CNGB3: variants seen among roughly 807,000 people sequenced by gnomAD.
CNGB3 encodes cyclic nucleotide gated channel subunit beta 3, also known as cyclic nucleotide-gated channel beta-3.
CNGB3 carries 86 observed loss-of-function variants against 92.8 expected under a neutral mutation model. That is an observed-to-expected ratio of 0.93 (90% confidence interval 0.78 to 1.11). CNGB3 has a LOEUF of 1.11. Among genes scored for constraint, CNGB3 ranks in the 50% least tolerant of loss-of-function variants. The pLI, the probability that CNGB3 is intolerant of heterozygous loss-of-function variation, is 0.00. For synonymous variants in CNGB3, 333 were observed against 332.7 expected, an observed-to-expected ratio of 1.00 and a Z score of -0.01; for missense variants, 1,026 against 956.8, an observed-to-expected ratio of 1.07 and a Z score of -0.95.
chr8:86,580,193 G>GGGC (rs33994320), intron 15 of CNGB3, among the ~76,000 whole-genome samples: 1 of 27,834 alleles, frequency 3.6e-5, no homozygotes, highest in Admixed American at 6.2e-4. Flanking sequence ...AATAGCACGG[G>GGGC]GGGGGTGGCG....
At chr8:86,728,974 G>A (rs914510817) in intron 2 of CNGB3, among the ~76,000 whole-genome samples, 17 of 152,070 alleles carry the variant, frequency 1.1e-4, no homozygotes, top group African/African-American at 3.4e-4. Context: ...GCGGTGGTAC[G>A]ATCACAGCTC....
At chr8:86,641,913 G>A (rs945326074) in intron 10 of CNGB3, among the ~76,000 whole-genome samples, 1 of 151,596 alleles carries the variant, frequency 6.6e-6, no homozygotes, top group African/African-American at 2.4e-5. Context: ...TGGCTACCTG[G>A]GCTATGATGT....
At chr8:86,625,620 G>A (rs1218041360) in intron 13 of CNGB3, among the ~76,000 whole-genome samples, 1 of 152,066 alleles carries the variant, frequency 6.6e-6, no homozygotes, top group Non-Finnish European at 1.5e-5. Flanking sequence ...GGCCATTACA[G>A]AGCTATTCTG....
Position 86,575,985 on chromosome 8 carries a change from G to A in CNGB3, c.2249C>T (p.Pro750Leu). ...TGCTGTACATTCAGGTCTGTCCAGT[G>A]GCTTCTCTTCTGGCTCTCTTCCTTT... ...KDKGREPEEK[P>L]LDRPECTASP... is the part of the protein sequence containing the mutation. Residue 750 changes from proline (P) to leucine (L), a missense_variant, in exon 18 of 18, where the codon CCA becomes CTA. Transcript: ENST00000320005. 6.2e-7 allele frequency: 1 copy of A among 1,613,836 alleles called. No homozygotes were observed. Among genetic ancestry groups the A allele is most frequent in the South Asian group, 1.1e-5 (1 of 91,010 alleles).
chr8:86,635,599 G>A (rs963267595), intron 10 of CNGB3, among the ~76,000 whole-genome samples: 1 of 151,548 alleles, frequency 6.6e-6, no homozygotes, highest in Non-Finnish European at 1.5e-5. Context: ...TCTTTTCTCA[G>A]TCACATCTTA....
At chr8:86,737,297 A>G (rs1035297755) in intron 2 of CNGB3, among the ~76,000 whole-genome samples, 9 of 152,144 alleles carry the variant, frequency 5.9e-5, no homozygotes, top group African/African-American at 2.2e-4. Flanking sequence ...TATAAATATA[A>G]ATTAATTCAG....
intron 4 of CNGB3, among the ~76,000 whole-genome samples, chr8:86,669,095 A>G (rs1345232041): frequency 1.3e-5 from 2 of 151,766 alleles, no homozygotes; most frequent in African/African-American, 4.9e-5. Context: ...GATGAAATAT[A>G]GTGTCTGGAA....
intron 13 of CNGB3, among the ~76,000 whole-genome samples, chr8:86,621,990 G>A (rs764867646): frequency 7.2e-5 from 11 of 152,184 alleles, no homozygotes; most frequent in Non-Finnish European, 1.5e-4. Context: ...AGGTTGCAGT[G>A]AGCCGAGATT....
intron 15 of CNGB3, among the ~76,000 whole-genome samples, chr8:86,591,717 A>G (rs1822042072): frequency 6.6e-6 from 1 of 152,184 alleles, no homozygotes. Context: ...CCAGCTGCGT[A>G]CTGGGAGAAC....
intron 3 of CNGB3, 143 bp from the exon 4 acceptor site, chr8:86,671,241 A>G: frequency 1.2e-6 from 1 of 855,216 alleles, no homozygotes; most frequent in Non-Finnish European, 1.9e-6. Context: ...TTCAAACATT[A>G]GGTTTAATGG....
chr8:86,713,097 G>A (rs1824781349), intron 3 of CNGB3, among the ~76,000 whole-genome samples: 2 of 151,966 alleles, frequency 1.3e-5, no homozygotes, highest in African/African-American at 4.8e-5. Context: ...ATTTCCCTTT[G>A]ATTTATGTTT....
intron 3 of CNGB3, among the ~76,000 whole-genome samples, chr8:86,695,533 T>G (rs970328704): frequency 2.6e-5 from 4 of 152,112 alleles, no homozygotes; most frequent in Non-Finnish European, 5.9e-5. Flanking sequence ...CTTTACGATA[T>G]CTATCTTTCT....
At chr8:86,615,640 G>A (rs1320347842) in intron 13 of CNGB3, among the ~76,000 whole-genome samples, 1 of 151,754 alleles carries the variant, frequency 6.6e-6, no homozygotes, top group Non-Finnish European at 1.5e-5. Context: ...TGAAAATAAA[G>A]ATTAAAATAA....
At chr8:86,728,096 T>C (rs937298371) in intron 2 of CNGB3, among the ~76,000 whole-genome samples, 1 of 152,182 alleles carries the variant, frequency 6.6e-6, no homozygotes, top group Non-Finnish European at 1.5e-5. Context: ...CCTATCTACT[T>C]TTATTTTGGA....
At chr8:86,599,032 C>A (rs1055653071) in intron 15 of CNGB3, among the ~76,000 whole-genome samples, 1 of 152,176 alleles carries the variant, frequency 6.6e-6, no homozygotes, top group African/African-American at 2.4e-5. Flanking sequence ...GTGCACACAT[C>A]ATTTGAGGAC....
rs1823991810 is a variant in CNGB3, at chr8:86,677,122, G to A, written c.339-6024C>T. ...TGTTGGTGATCACCAAAAGCTGGGA[G>A]AGAGAGCATGGAAAAAATTCTCCCT... On this transcript the variant is annotated intron_variant, in intron 3 of 17. Coordinates refer to ENST00000320005, the MANE Select transcript of CNGB3 (RefSeq NM_019098.5). Among the ~76,000 whole-genome samples the A allele has an allele frequency of 2.6e-5, 4 of 152,318 alleles. No individual in the cohort carries two copies. In the South Asian group the frequency reaches 6.2e-4, roughly 24 times the overall value.
rs763732485 is a variant in CNGB3, at chr8:86,671,048, G to C, written c.389C>G (p.Ala130Gly). Reference protein sequence around the residue: ...AAPVINEYADAQLHNLVKRMR... With the variant: ...AAPVINEYADGQLHNLVKRMR... ...TCTTTTCACCAGGTTGTGTAGCTGG[G>C]CATCGGCATACTCATTTATAACAGG... The change falls in exon 4 of 18, where the codon GCC becomes GGC. Residue 130 changes from alanine to glycine, a missense_variant. Coordinates refer to ENST00000320005, the MANE Select transcript of CNGB3 (RefSeq NM_019098.5). 7 of 1,613,768 alleles carry C rather than the reference G, an allele frequency of 4.3e-6. No individual in the cohort carries two copies. The East Asian group carries it at 1.6e-4, about 36-fold the overall frequency.
intron 6 of CNGB3, among the ~76,000 whole-genome samples, 153 bp downstream of exon 6, chr8:86,666,772 A>C (rs1823746474): frequency 6.6e-6 from 1 of 152,182 alleles, no homozygotes; most frequent in Non-Finnish European, 1.5e-5. Flanking sequence ...TGGCTGTTTT[A>C]TAATTGTTTT....
chr8:86,635,219 A>G (rs1273474199), intron 10 of CNGB3, among the ~76,000 whole-genome samples: 2 of 152,008 alleles, frequency 1.3e-5, no homozygotes, highest in Non-Finnish European at 2.9e-5. Context: ...CTATTACCTG[A>G]TTTATTTTGG....
Sources: allele counts gnomAD v4.1 joint callset (sites outside exome capture counted in the v4.1 genomes callset), GRCh38; gene constraint gnomAD v4.1.1; transcripts MANE v1.5; gene names NCBI Gene and HGNC (gene_info 2026-07-23, HGNC 2026-07-21).